The following NSD3 variants were observed in gnomAD, a reference collection of about 807,000 sequenced individuals.
NSD3 encodes nuclear receptor binding SET domain protein 3, also known as histone-lysine N-methyltransferase NSD3.
NSD3 carries 24 observed loss-of-function variants against 160.8 expected under a neutral mutation model. The observed-to-expected ratio is 0.15, with a 90% confidence interval of 0.11 to 0.21. The LOEUF (loss-of-function observed/expected upper bound fraction) is 0.21. Ranked by LOEUF, NSD3 falls within the 10% of genes least tolerant of loss-of-function variation. NSD3 has a pLI of 1.00. For missense variants in NSD3, 1,157 were observed against 1,735.9 expected, an observed-to-expected ratio of 0.67 and a Z score of 5.93; for synonymous variants, 520 against 600.0, an observed-to-expected ratio of 0.87 and a Z score of 1.95.
At chr8:38,323,548 C>T (rs534305000) in intron 7 of NSD3, among the ~76,000 whole-genome samples, 2 of 152,090 alleles carry the variant, frequency 1.3e-5, no homozygotes, top group Non-Finnish European at 2.9e-5. Context: ...CTGGGCACAG[C>T]GACTCATGTC....
chr8:38,353,281 T>G (rs557844916), intron 1 of NSD3, among the ~76,000 whole-genome samples: 1 of 152,310 alleles, frequency 6.6e-6, no homozygotes, highest in South Asian at 2.1e-4. Context: ...TAATTTAACT[T>G]TTGGCAAAAA....
chr8:38,282,318 T>C (rs1480858206), intron 19 of NSD3, among the ~76,000 whole-genome samples: 1 of 152,168 alleles, frequency 6.6e-6, no homozygotes, highest in Admixed American at 6.5e-5. Flanking sequence ...CCTCCACTCA[T>C]CTCATCCTAA....
chr8:38,340,373 T>C (rs1281759666), intron 2 of NSD3, among the ~76,000 whole-genome samples: 1 of 152,198 alleles, frequency 6.6e-6, no homozygotes, highest in Non-Finnish European at 1.5e-5. Flanking sequence ...CTTACTCTGC[T>C]GTTGCCTAGG....
chr8:38,279,836 A>C (rs1808689970), intron 20 of NSD3, 155 bp from the exon 21 acceptor site: 1 of 735,532 alleles, frequency 1.4e-6, no homozygotes. Flanking sequence ...GTAATTTACT[A>C]AGTTCTCTCC....
rs1292267172 is a variant in NSD3 at position 38,295,857 on chromosome 8, A to G, written c.2854T>C (p.Cys952Arg). 6.2e-7 allele frequency: 1 copy of G among 1,614,162 alleles called. No homozygotes were observed. Among genetic ancestry groups the G allele is most frequent in the Non-Finnish European group, 8.5e-7 (1 of 1,180,032 alleles). Residue 952 changes from cysteine to arginine, a missense_variant, in exon 16 of 24, where the codon TGT (cysteine) becomes CGT (arginine). Cys to Arg is a radical substitution (Grantham distance 180, BLOSUM62 -3). This residue lies in a region of NSD3 where 437 missense variants were observed against 576.6 expected (regional missense o/e 0.76). Transcript: ENST00000317025. The stretch of plus-strand genomic sequence containing the variant: ...TAATGTAGTTTCTTGCCAGCTTTAC[A>G]GTCATTACAATTCCAGCAGCCTTCT... ...MPEGCWNCND[C>R]KAGKKLHYKQ...
chr8:38,278,088 A>G (rs1233186450), intron 22 of NSD3, among the ~76,000 whole-genome samples: 4 of 152,040 alleles, frequency 2.6e-5, no homozygotes, highest in South Asian at 2.1e-4. Context: ...ACAGGCACCC[A>G]TCACCATGCC....
At chr8:38,294,843 A>AT (rs1481025204) in intron 16 of NSD3, among the ~76,000 whole-genome samples, 22 of 151,790 alleles carry the variant, frequency 1.4e-4, no homozygotes, top group Admixed American at 4.6e-4. Flanking sequence ...TTAAAAAAAA[A>AT]TTTTTAAAGT....
chr8:38,366,042 C>T (rs1205245106), intron 1 of NSD3, among the ~76,000 whole-genome samples: 1 of 141,176 alleles, frequency 7.1e-6, no homozygotes, highest in Non-Finnish European at 1.5e-5. Context: ...ACCTGGGAGG[C>T]GAAGGTTGCA....
chr8:38,382,027 TG>T lies in NSD3; in HGVS notation c.-274del, dbSNP rs1189438491. 1 of 152,434 alleles carries T rather than the reference TG, an allele frequency of 6.6e-6. No homozygotes were observed. Among genetic ancestry groups the T allele is most frequent in the East Asian group, 2.0e-4 (1 of 5,124 alleles). The allele number at this position is 152,434 out of a possible 1,614,324, so 9.4% of individuals were successfully genotyped here. On this transcript the variant is annotated 5_prime_UTR_variant, in exon 1 of 24. Transcript: ENST00000317025. The surrounding 1 kb of genome is among the most constrained non-coding windows in gnomAD (Gnocchi z 4.2). ...CACGGCCGGGCCGGGCCGGGCGTGC[TG>T]CGGGAAGAGGAAGGCTCGGGAGGTG...
chr8:38,358,480 G>A (rs1014592826), intron 1 of NSD3, among the ~76,000 whole-genome samples: 1 of 152,094 alleles, frequency 6.6e-6, no homozygotes, highest in African/African-American at 2.4e-5. Flanking sequence ...ACAGTCTACA[G>A]TAATGAACCA....
intron 23 of NSD3, 57 bp from the exon 24 acceptor site, chr8:38,275,939 G>A: frequency 6.7e-7 from 1 of 1,483,398 alleles, no homozygotes; most frequent in Non-Finnish European, 9.2e-7. Flanking sequence ...TGCCTGTCTT[G>A]ATTACCCATG....
intron 14 of NSD3, 100 bp from the exon 15 acceptor site, chr8:38,299,690 G>A (rs1054147774): frequency 1.7e-6 from 2 of 1,198,618 alleles, no homozygotes; most frequent in African/African-American, 1.6e-5. Flanking sequence ...TTCAAAGCTG[G>A]GGTGGGGAGG....
chr8:38,375,519 T>G (rs943393889), intron 1 of NSD3, among the ~76,000 whole-genome samples: 2 of 152,148 alleles, frequency 1.3e-5, no homozygotes, highest in African/African-American at 4.8e-5. Context: ...ACTACAGAAG[T>G]GTTTAAAGTC....
intron 12 of NSD3, 71 bp downstream of exon 12, chr8:38,314,576 G>A: frequency 6.3e-7 from 1 of 1,598,000 alleles, no homozygotes; most frequent in South Asian, 1.1e-5. Flanking sequence ...TGTCCTAGGA[G>A]AGGTTGTCAG....
chr8:38,374,829 C>A (rs1331417547), intron 1 of NSD3, among the ~76,000 whole-genome samples: 1 of 152,008 alleles, frequency 6.6e-6, no homozygotes, highest in Non-Finnish European at 1.5e-5. Context: ...ACGGTGAAAA[C>A]CCATCTCTAC....
At chr8:38,376,717 G>A (rs1026932867) in intron 1 of NSD3, among the ~76,000 whole-genome samples, 8 of 152,132 alleles carry the variant, frequency 5.3e-5, no homozygotes, top group African/African-American at 1.2e-4. Flanking sequence ...GGTTACAGGC[G>A]TGAGCCACTG....
rs374656504 is a variant in NSD3 at position 38,366,418 on chromosome 8, C to CTTTTTT, written c.-45+15375_-45+15380dup. Among the ~76,000 whole-genome samples the CTTTTTT allele has an allele frequency of 6.8e-5, 9 of 132,192 alleles. 1 individual carries two copies. The highest frequency in any genetic ancestry group is 1.6e-4 in the Admixed American group (2 of 12,578). 86.7% of individuals were successfully genotyped at this position (132,192 alleles called of 152,430 possible). A position where few individuals can be genotyped will look rare whatever the true frequency, so the allele number is the denominator to read the frequency against. The stretch of plus-strand genomic sequence containing the variant: ...CAATTATGTTCACATCTACTTAATT[C>CTTTTTT]TTTTTTTTTTTTTTTTGAGATAGAG... On this transcript the variant is annotated intron_variant, in intron 1 of 23. Transcript: ENST00000317025.
At chr8:38,337,203 C>T in intron 4 of NSD3, 102 bp downstream of exon 4, 5 of 1,039,180 alleles carry the variant, frequency 4.8e-6, no homozygotes, top group Non-Finnish European at 6.3e-6. Context: ...ATTTTTGTAT[C>T]AGATTATATA....
intron 19 of NSD3, among the ~76,000 whole-genome samples, chr8:38,282,586 G>A (rs972569374): frequency 2.0e-5 from 3 of 152,152 alleles, no homozygotes; most frequent in Non-Finnish European, 4.4e-5. Flanking sequence ...CTGGAGAATC[G>A]CCGAAACCCA....
Sources: gnomAD v4.1 joint callset for allele counts (sites outside exome capture counted in the v4.1 genomes callset) on GRCh38, gnomAD v4.1.1 for gene constraint, gnomAD v4.1.1 regional missense constraint, Gnocchi (gnomAD v3.1) non-coding constraint, MANE v1.5 for transcripts, NCBI Gene and HGNC (gene_info 2026-07-23, HGNC 2026-07-21) for gene names.